The following ARPC1B variants were observed in gnomAD, a reference collection of about 807,000 sequenced individuals.
The protein encoded by ARPC1B is actin-related protein 2/3 complex subunit 1B.
ARPC1B carries 29 observed loss-of-function variants against 46.0 expected under a neutral mutation model. That is an observed-to-expected ratio of 0.63 (90% CI 0.47 to 0.86). The LOEUF is 0.86. Ranked by LOEUF, ARPC1B falls within the 40% of genes least tolerant of loss-of-function variation. The pLI is 0.00. For missense variants in ARPC1B, 469 were observed against 529.4 expected, an observed-to-expected ratio of 0.89 and a Z score of 1.12; for synonymous variants, 201 against 213.9, an observed-to-expected ratio of 0.94 and a Z score of 0.53.
chr7:99,394,760 G>A lies in ARPC1B; in HGVS notation c.*271G>A, dbSNP rs1449759015. ...TCATGAACTGCTTCAAAATGTGGAG[G>A]TAATAAAATGCAACTGTGTAAAAAA... On this transcript the variant is annotated 3_prime_UTR_variant, in exon 10 of 10. Coordinates refer to ENST00000646101, the MANE Select transcript of ARPC1B (RefSeq NM_005720.4). 12 of 1,194,566 alleles carry A rather than the reference G, an allele frequency of 1.0e-5. No homozygotes were observed. The Admixed American group carries it at 4.3e-4, about 42-fold the overall frequency. 74.0% of individuals were successfully genotyped at this position (1,194,566 alleles called of 1,614,324 possible).
At position 99,390,969 on chromosome 7, in the gene ARPC1B, GA is replaced by G; in HGVS notation, c.579del (p.Glu193AspfsTer2). ...GTGGGGCTCCAAGATGCCCTTTGGG[GA>G]ACTGATGTTCGAATCCAGCAGTAGC... ...TPWGSKMPFG[E>X]LMFESSSSCG... On this transcript the variant is annotated frameshift_variant, in exon 6 of 10. Transcript: ENST00000646101. LOFTEE classifies it high-confidence loss of function. The G allele has an allele frequency of 1.2e-6, 2 of 1,613,970 alleles. No homozygotes were observed. Among genetic ancestry groups the G allele is most frequent in the Non-Finnish European group, 1.7e-6 (2 of 1,180,008 alleles).
At chr7:99,378,399 GGC>G (rs1794094642) in intron 1 of ARPC1B, among the ~76,000 whole-genome samples, 1 of 151,848 alleles carries the variant, frequency 6.6e-6, no homozygotes, top group African/African-American at 2.4e-5. Flanking sequence ...AGAAAAATGG[GGC>G]CAGGCGTGGT....
chr7:99,384,628 G>A (rs1474310280), intron 1 of ARPC1B, among the ~76,000 whole-genome samples: 3 of 152,144 alleles, frequency 2.0e-5, no homozygotes, highest in Non-Finnish European at 4.4e-5. Flanking sequence ...CCCAGGCCTC[G>A]CCTAGCCCTG....
At chr7:99,393,466 G>C (rs942445611) in intron 8 of ARPC1B, among the ~76,000 whole-genome samples, 3 of 152,104 alleles carry the variant, frequency 2.0e-5, no homozygotes, top group African/African-American at 7.2e-5. Flanking sequence ...AGCTGGGGCG[G>C]GTCTATTGCT....
chr7:99,379,073 G>T (rs1794129029), intron 1 of ARPC1B, among the ~76,000 whole-genome samples: 1 of 152,044 alleles, frequency 6.6e-6, no homozygotes, highest in East Asian at 1.9e-4. Flanking sequence ...CACCACACCT[G>T]GCCAGAATGC....
intron 4 of ARPC1B, chr7:99,389,606 A>C: frequency 3.1e-6 from 1 of 322,768 alleles, no homozygotes; most frequent in Non-Finnish European, 5.9e-6. Flanking sequence ...GCATCCCACC[A>C]TGGCCAGTTA....
In ARPC1B at chr7:99,374,986, C is replaced by G. The variant is rs1206897813; in HGVS notation, c.-14+205C>G. Among the ~76,000 whole-genome samples the G allele has an allele frequency of 1.7e-5, 2 of 119,044 alleles. No homozygotes were observed. The highest frequency in any genetic ancestry group is 3.4e-5 in the Non-Finnish European group (2 of 58,030). The allele number at this position is 119,044 out of a possible 152,430, so 78.1% of individuals were successfully genotyped here. On this transcript the variant is annotated intron_variant, in intron 1 of 9. Transcript: ENST00000646101. The surrounding 1 kb of genome is among the most constrained non-coding windows in gnomAD (Gnocchi z 5.0). ...AGGGGCACGGGGATGAGTGGGGGCACATGGAGAGGAGGGGGCGCGGGGACG... is the reference window on the plus strand; with the variant it reads ...AGGGGCACGGGGATGAGTGGGGGCAGATGGAGAGGAGGGGGCGCGGGGACG...
In ARPC1B at chr7:99,394,064, G is replaced by C. The variant is rs756140833; in HGVS notation, c.1025G>C (p.Cys342Ser). The C allele has an allele frequency of 1.9e-6, 3 of 1,613,482 alleles. No individual in the cohort carries two copies. The Admixed American group carries it at 5.0e-5, about 27-fold the overall frequency. ...GTGCTCAGCGGCGGCAAGGCCAAGT[G>C]CTCGCAGTTCTGCACCACTGGCATG... is the stretch of plus-strand genomic sequence containing the variant. ...ISVLSGGKAK[C>S]SQFCTTGMDG... is the part of the protein sequence containing the mutation. The change falls in exon 9 of 10, where the codon TGC becomes TCC. Residue 342 changes from cysteine (C) to serine (S), a missense_variant. By Grantham distance (112) the Cys-to-Ser change is moderately radical. Coordinates refer to ENST00000646101, the MANE Select transcript of ARPC1B (RefSeq NM_005720.4).
rs773085531 is a variant in ARPC1B, at chr7:99,394,779, TAAA to T, written c.*310_*312del. Reference sequence around the variant, plus strand: ...GTGGAGGTAATAAAATGCAACTGTGTAAAAAAAAAAAAAAAAAAAAAAGTAATT... The same window carrying T: ...GTGGAGGTAATAAAATGCAACTGTGTAAAAAAAAAAAAAAAAAAAGTAATT... On this transcript the variant is annotated 3_prime_UTR_variant, in exon 10 of 10. Coordinates refer to ENST00000646101, the MANE Select transcript of ARPC1B (RefSeq NM_005720.4). 0.011 allele frequency: 10,751 copies of T among 941,538 alleles called. 14 individuals are homozygous for T. Among genetic ancestry groups the T allele is most frequent in the African/African-American group, 0.038 (1,641 of 42,740 alleles). 58.3% of individuals were successfully genotyped at this position (941,538 alleles called of 1,614,324 possible).
At chr7:99,385,560 TCCTCTCTGCAAACTGCTGCC>T in intron 1 of ARPC1B, 122 bp from the exon 2 acceptor site, 1 of 684,998 alleles carries the variant, frequency 1.5e-6, no homozygotes, top group East Asian at 2.7e-5. Context: ...CCCCTGCTGC[TCCTCTCTGCAAACTGCTGCC>T]CCTCTAAACT....
At chr7:99,388,337 A>G in intron 4 of ARPC1B, 76 bp downstream of exon 4, 5 of 1,425,468 alleles carry the variant, frequency 3.5e-6, no homozygotes, top group African/African-American at 1.4e-5. Flanking sequence ...GAAGCACCAA[A>G]TGGGATGTCA....
At position 99,390,567 on chromosome 7, in the gene ARPC1B, A is replaced by G. The variant is rs186368430; in HGVS notation, c.501-326A>G. On this transcript the variant is annotated intron_variant, in intron 5 of 9. Transcript: ENST00000646101. The stretch of plus-strand genomic sequence containing the variant: ...AATTTTTGTATTTTTAAATGTAGAG[A>G]CGGGTTTTCACCATGTTGGCCAGAC... Among the ~76,000 whole-genome samples the G allele has an allele frequency of 5.5e-3, 838 of 151,066 alleles. 10 individuals are homozygous for G. The highest frequency in any genetic ancestry group is 0.017 in the African/African-American group (718 of 41,076).
intron 1 of ARPC1B, chr7:99,376,362 C>G (rs1794030865): frequency 6.6e-6 from 1 of 152,078 alleles, no homozygotes; most frequent in African/African-American, 2.4e-5. Context: ...AAATGCAATA[C>G]TGCAAGACAC....
chr7:99,385,427 G>GTC (rs1476739570), intron 1 of ARPC1B, among the ~76,000 whole-genome samples: 2 of 151,898 alleles, frequency 1.3e-5, no homozygotes, highest in African/African-American at 4.8e-5. Flanking sequence ...CTGTAGTACC[G>GTC]TCTCCTCCAC....
intron 4 of ARPC1B, chr7:99,388,790 G>C (rs932429836): frequency 6.5e-6 from 1 of 153,426 alleles, no homozygotes; most frequent in African/African-American, 2.4e-5. Flanking sequence ...CTGCTACCAT[G>C]CCCGGATAAT....
intron 4 of ARPC1B, 65 bp downstream of exon 4, chr7:99,388,326 G>C (rs2150894293): frequency 6.6e-7 from 1 of 1,519,712 alleles, no homozygotes; most frequent in East Asian, 2.3e-5. Context: ...AGTGTCCCCG[G>C]GAAGCACCAA....
rs1432787165 is a variant in ARPC1B, at chr7:99,393,619, G to T, written c.990-410G>T. On this transcript the variant is annotated intron_variant, in intron 8 of 9. Coordinates refer to ENST00000646101, the MANE Select transcript of ARPC1B (RefSeq NM_005720.4). Reference sequence around the variant, plus strand: ...CCGCGGCGAATCAGAGGGAGCGGGAGCTGTATGGCAAGACTGGCCAAGCCC... The same window carrying T: ...CCGCGGCGAATCAGAGGGAGCGGGATCTGTATGGCAAGACTGGCCAAGCCC... Among the ~76,000 whole-genome samples the T allele has an allele frequency of 2.6e-5, 4 of 152,184 alleles. No individual in the cohort carries two copies. The East Asian group carries it at 7.7e-4, about 29-fold the overall frequency.
intron 1 of ARPC1B, among the ~76,000 whole-genome samples, chr7:99,381,411 T>G (rs2150888241): frequency 6.6e-6 from 1 of 152,262 alleles, no homozygotes; most frequent in South Asian, 2.1e-4. Flanking sequence ...AGGTGCAGTG[T>G]GCATGTGTGT....
intron 9 of ARPC1B, 107 bp downstream of exon 9, chr7:99,394,226 C>CA (rs1794688662): frequency 7.7e-7 from 1 of 1,302,914 alleles, no homozygotes; most frequent in Admixed American, 1.9e-5. Context: ...GCAGAGATGG[C>CA]ACTGCATGGG....
Sources: allele counts gnomAD v4.1 joint callset (sites outside exome capture counted in the v4.1 genomes callset), GRCh38; gene constraint gnomAD v4.1.1; non-coding constraint Gnocchi (gnomAD v3.1); transcripts MANE v1.5; gene names NCBI Gene and HGNC (gene_info 2026-07-23, HGNC 2026-07-21).